MTMR7: variants seen among roughly 807,000 people sequenced by gnomAD.
The protein encoded by MTMR7 is myotubularin related protein 7.
A neutral mutation model predicts 81.2 loss-of-function variants in MTMR7; 76 were observed. That is an observed-to-expected ratio of 0.94 (90% CI 0.78 to 1.13). MTMR7 has a LOEUF of 1.13. Among genes scored for constraint, MTMR7 ranks in the 50% most tolerant of loss-of-function variants. The pLI, the probability that MTMR7 is intolerant of heterozygous loss-of-function variation, is 0.00. For synonymous variants in MTMR7, 372 were observed against 289.8 expected (o/e 1.28, Z -2.88); for missense variants, 1,044 against 820.0 (o/e 1.27, Z -3.34).
chr8:17,366,755 G>A (rs1465366689), intron 3 of MTMR7, among the ~76,000 whole-genome samples: 5 of 151,842 alleles, frequency 3.3e-5, no homozygotes, highest in South Asian at 2.1e-4. Context: ...GCGTGGTGGC[G>A]GGTGCCTGTA....
chr8:17,373,340 A>ATTG (rs1195336767), intron 1 of MTMR7, 100 bp from the exon 2 acceptor site: 1 of 1,379,492 alleles, frequency 7.2e-7, no homozygotes, highest in Non-Finnish European at 9.6e-7. Context: ...CCAAAATACA[A>ATTG]TTTTTTGAGA....
rs76299300 is a variant in MTMR7 at position 17,324,224 on chromosome 8, G to A, written c.865+6926C>T. On this transcript the variant is annotated intron_variant, in intron 7 of 13. Coordinates refer to ENST00000180173, the MANE Select transcript of MTMR7 (RefSeq NM_004686.5). ...TGAAGGAAGCACTTGTCTATCCAAT[G>A]CCTGGCATATAGAACACTCTCAGTA... 1.0e-3 allele frequency among the ~76,000 whole-genome samples: 154 copies of A among 152,282 alleles called. 2 individuals are homozygous for A. The East Asian group carries it at 0.024, about 23-fold the overall frequency.
chr8:17,372,062 T>C (rs1464206505), intron 2 of MTMR7, among the ~76,000 whole-genome samples: 1 of 152,050 alleles, frequency 6.6e-6, no homozygotes, highest in Non-Finnish European at 1.5e-5. Flanking sequence ...GGTAAAACCA[T>C]CATTCTACTC....
intron 4 of MTMR7, among the ~76,000 whole-genome samples, chr8:17,351,682 G>A (rs1819733213): frequency 6.6e-6 from 1 of 152,198 alleles, no homozygotes; most frequent in African/African-American, 2.4e-5. Context: ...GCCTTCCCCA[G>A]AGCACTGGGT....
chr8:17,368,266 C>A (rs1453929746), intron 3 of MTMR7, among the ~76,000 whole-genome samples: 1 of 152,186 alleles, frequency 6.6e-6, no homozygotes, highest in Non-Finnish European at 1.5e-5. Flanking sequence ...TCACCTCCTG[C>A]TGTGCTGTGC....
At chr8:17,405,035 A>G (rs1821537043) in intron 1 of MTMR7, among the ~76,000 whole-genome samples, 1 of 152,220 alleles carries the variant, frequency 6.6e-6, no homozygotes, top group South Asian at 2.1e-4. Flanking sequence ...GTAAATTAGT[A>G]GAGACAGGAT....
intron 8 of MTMR7, among the ~76,000 whole-genome samples, chr8:17,312,574 C>CAAAAAAAAA (rs10617081): frequency 1.1e-5 from 1 of 87,252 alleles, no homozygotes; most frequent in Admixed American, 1.4e-4. Context: ...GACTCCCTCT[C>CAAAAAAAAA]AAAAAAAAAA....
intron 1 of MTMR7, among the ~76,000 whole-genome samples, chr8:17,375,260 T>A (rs1178693791): frequency 6.6e-6 from 1 of 152,006 alleles, no homozygotes; most frequent in East Asian, 1.9e-4. Flanking sequence ...CTCTAAGCCC[T>A]TAGAGCCAAG....
At chr8:17,401,899 T>C (rs561684311) in intron 1 of MTMR7, among the ~76,000 whole-genome samples, 1 of 152,302 alleles carries the variant, frequency 6.6e-6, no homozygotes, top group South Asian at 2.1e-4. Flanking sequence ...ATGAATCTTA[T>C]GCATATTATG....
rs186421463 is a variant in MTMR7, at chr8:17,366,024, C to T, written c.311-4750G>A. 3.3e-5 allele frequency among the ~76,000 whole-genome samples: 5 copies of T among 152,274 alleles called. No homozygotes were observed. In the East Asian group the frequency reaches 9.7e-4, roughly 29 times the overall value. On this transcript the variant is annotated intron_variant, in intron 3 of 13. Transcript: ENST00000180173. ...TAACCTAGGGAAGCCTAGGGCACTA[C>T]AGTGCAGCTCAGTCTCTATTGCTCT...
intron 7 of MTMR7, among the ~76,000 whole-genome samples, chr8:17,316,507 C>A (rs886205060): frequency 1.1e-4 from 17 of 150,584 alleles, no homozygotes; most frequent in African/African-American, 4.1e-4. Flanking sequence ...TGTGGAAAGT[C>A]TCCCTGTACC....
intron 1 of MTMR7, among the ~76,000 whole-genome samples, chr8:17,385,982 T>G (rs555526068): frequency 6.6e-6 from 1 of 152,206 alleles, no homozygotes; most frequent in African/African-American, 2.4e-5. Flanking sequence ...TTGTGAAAAT[T>G]AGACAGCTGC....
At chr8:17,399,284 T>G (rs1016189649) in intron 1 of MTMR7, among the ~76,000 whole-genome samples, 1 of 152,166 alleles carries the variant, frequency 6.6e-6, no homozygotes, top group Non-Finnish European at 1.5e-5. Context: ...TTCTGTCAAG[T>G]TGCAAGATAC....
intron 1 of MTMR7, among the ~76,000 whole-genome samples, chr8:17,395,584 T>C (rs1005989918): frequency 2.0e-5 from 3 of 152,222 alleles, no homozygotes; most frequent in Admixed American, 2.0e-4. Context: ...CAACACTTGT[T>C]GTTTTCTTTC....
At position 17,390,970 on chromosome 8, in the gene MTMR7, G is replaced by C. The variant is rs572355752; in HGVS notation, c.25-17730C>G. Among the ~76,000 whole-genome samples, 4 of 152,312 alleles carry C rather than the reference G, an allele frequency of 2.6e-5. No homozygotes were observed. The South Asian group carries it at 8.3e-4, about 32-fold the overall frequency. On this transcript the variant is annotated intron_variant, in intron 1 of 13. Coordinates refer to ENST00000180173, the MANE Select transcript of MTMR7 (RefSeq NM_004686.5). ...AGAGCCAGACCATATCAGGTGCCCA[G>C]GGAAGTCTTCTCTAATAACATAATT...
chr8:17,353,809 G>C (rs778279077), intron 4 of MTMR7, among the ~76,000 whole-genome samples: 36 of 152,146 alleles, frequency 2.4e-4, no homozygotes, highest in Admixed American at 1.9e-3. Context: ...TAAATTAATT[G>C]ACCTTCCTGG....
At chr8:17,362,828 G>A (rs1307051472) in intron 3 of MTMR7, among the ~76,000 whole-genome samples, 1 of 152,134 alleles carries the variant, frequency 6.6e-6, no homozygotes, top group Non-Finnish European at 1.5e-5. Flanking sequence ...ACCAGCAAGA[G>A]GCTGCAGCAA....
intron 4 of MTMR7, among the ~76,000 whole-genome samples, chr8:17,354,668 C>T (rs1006270546): frequency 6.6e-6 from 1 of 152,076 alleles, no homozygotes; most frequent in Non-Finnish European, 1.5e-5. Flanking sequence ...CCTGACCCAC[C>T]GACCTCAAAG....
Position 17,349,020 on chromosome 8 carries a change from A to G in MTMR7, c.530T>C (p.Val177Ala). The change falls in exon 5 of 14, where the codon GTG (valine) becomes GCG (alanine). Residue 177 changes from valine to alanine, a missense_variant. Coordinates refer to ENST00000180173, the MANE Select transcript of MTMR7 (RefSeq NM_004686.5). ...VPKSATAHII[V>A]GSSKFRSRRR... ...TCTACTCCGGAATTTGGAACTCCCC[A>G]CTATGATGTGTGCCGTGGCCGATTT... The G allele has an allele frequency of 6.2e-7, 1 of 1,613,190 alleles. No individual in the cohort carries two copies. The highest frequency in any genetic ancestry group is 8.5e-7 in the Non-Finnish European group (1 of 1,179,910).
Sources: allele counts gnomAD v4.1 joint callset (sites outside exome capture counted in the v4.1 genomes callset), GRCh38; gene constraint gnomAD v4.1.1; transcripts MANE v1.5; gene names NCBI Gene and HGNC (gene_info 2026-07-23, HGNC 2026-07-21).